The following PHACTR2 variants were observed in gnomAD, a reference collection of about 807,000 sequenced individuals.
PHACTR2 encodes the protein chromosome 6 open reading frame 56.
In PHACTR2, 30 loss-of-function variants were observed where a neutral mutation model predicts 76.0. That is an observed-to-expected ratio of 0.39 (90% CI 0.30 to 0.54). The LOEUF is 0.54. PHACTR2 is among the 20% of genes least tolerant of loss of function. The probability of loss-of-function intolerance (pLI) is 0.61; values close to 1 mark genes in which losing one functional copy is unlikely to be tolerated. For missense variants in PHACTR2, 696 were observed against 781.1 expected (o/e 0.89, Z 1.30); for synonymous variants, 292 against 292.5 (o/e 1.00, Z 0.02).
At chr6:143,551,006 C>T (rs907069720) in intron 1 of PHACTR2, among the ~76,000 whole-genome samples, 1 of 151,958 alleles carries the variant, frequency 6.6e-6, no homozygotes, top group Admixed American at 6.6e-5. Context: ...CACTGCACTC[C>T]AGCCTGGGTG....
At chr6:143,686,082 A>G (rs926476651) in intron 1 of PHACTR2, among the ~76,000 whole-genome samples, 1 of 151,838 alleles carries the variant, frequency 6.6e-6, no homozygotes, top group East Asian at 1.9e-4. Context: ...TAGTGAGCCA[A>G]GATTGCACCA....
rs999644056 is a variant in PHACTR2 at position 143,616,119 on chromosome 6, A to T, written c.13+7797A>T. Among the ~76,000 whole-genome samples, 11 of 152,196 alleles carry T rather than the reference A, an allele frequency of 7.2e-5. No homozygotes were observed. Among genetic ancestry groups the T allele is most frequent in the African/African-American group, 2.4e-4 (10 of 41,460 alleles). On this transcript the variant is annotated intron_variant, in intron 1 of 11. Coordinates refer to the PHACTR2 transcript ENST00000305766. The surrounding 1 kb of genome is among the most constrained non-coding windows in gnomAD (Gnocchi z 4.9). Reference sequence around the variant, plus strand: ...TATCTGCCTAATTGTTTTTATAGGTAGCTCTTTTATTATTTTTATAGATAA... The same window carrying T: ...TATCTGCCTAATTGTTTTTATAGGTTGCTCTTTTATTATTTTTATAGATAA...
rs1775563405 is a variant in PHACTR2, at chr6:143,580,784, A to G, written c.217+43577A>G. Among the ~76,000 whole-genome samples, 1 of 152,238 alleles carries G rather than the reference A, an allele frequency of 6.6e-6. No individual in the cohort carries two copies. The highest frequency in any genetic ancestry group is 2.4e-5 in the African/African-American group (1 of 41,464). Reference sequence around the variant, plus strand: ...GTGAAGATAAATGTCTCTGAAGACAAGAAGGTGAGATAATTAAGAGACTTA... The same window carrying G: ...GTGAAGATAAATGTCTCTGAAGACAGGAAGGTGAGATAATTAAGAGACTTA... On this transcript the variant is annotated intron_variant, in intron 1 of 11. Coordinates refer to the PHACTR2 transcript ENST00000367584. The surrounding 1 kb of genome is among the most constrained non-coding windows in gnomAD (Gnocchi z 4.2).
intron 11 of PHACTR2, among the ~76,000 whole-genome samples, chr6:143,798,379 A>G (rs1775874310): frequency 6.6e-6 from 1 of 152,168 alleles, no homozygotes; most frequent in Admixed American, 6.5e-5. Flanking sequence ...TCCTATTTGA[A>G]TACCTTTTAT....
In PHACTR2 at chr6:143,672,940, G is replaced by A. The variant is rs1220367749; in HGVS notation, c.14-39076G>A. ...GGGTTTCACCATGTTGGCCAGGCTG[G>A]TCTCAAGCTCCTGACCTCAGGTGAT... is the stretch of plus-strand genomic sequence containing the variant. On this transcript the variant is annotated intron_variant, in intron 1 of 11. Coordinates refer to the PHACTR2 transcript ENST00000305766. This position sits in a 1 kb window ranked among gnomAD's most constrained non-coding sequence, Gnocchi z 5.8. Among the ~76,000 whole-genome samples, 1 of 152,068 alleles carries A rather than the reference G, an allele frequency of 6.6e-6. No homozygotes were observed. Among genetic ancestry groups the A allele is most frequent in the African/African-American group, 2.4e-5 (1 of 41,400 alleles).
In PHACTR2 at chr6:143,571,685, T is replaced by C. The variant is rs1775448390; in HGVS notation, c.217+34478T>C. 6.6e-6 allele frequency among the ~76,000 whole-genome samples: 1 copy of C among 152,142 alleles called. No homozygotes were observed. Among genetic ancestry groups the C allele is most frequent in the Admixed American group, 6.5e-5 (1 of 15,280 alleles). On this transcript the variant is annotated intron_variant, in intron 1 of 11. Coordinates refer to the PHACTR2 transcript ENST00000367584. This position sits in a 1 kb window ranked among gnomAD's most constrained non-coding sequence, Gnocchi z 4.6. The stretch of plus-strand genomic sequence containing the variant: ...GTTGTACAATTGGCTATCGAGAGTT[T>C]GGTACAAGTTTACTCCTGTGTCCAT...
chr6:143,627,688 G>A lies in PHACTR2; in HGVS notation c.13+19366G>A, dbSNP rs895354040. ...ACGATCTCGGCTCACTGCAACCTCC[G>A]CCTCCCAGGTTCAAGCGATTCTCCT... On this transcript the variant is annotated intron_variant, in intron 1 of 11. Transcript: ENST00000305766. This position sits in a 1 kb window ranked among gnomAD's most constrained non-coding sequence, Gnocchi z 4.3. Among the ~76,000 whole-genome samples the A allele has an allele frequency of 1.1e-4, 17 of 149,560 alleles. No individual in the cohort carries two copies. Among genetic ancestry groups the A allele is most frequent in the East Asian group, 2.0e-4 (1 of 5,094 alleles).
At chr6:143,628,943 A>G (rs1245845660) in intron 1 of PHACTR2, among the ~76,000 whole-genome samples, 33 of 40,454 alleles carry the variant, frequency 8.2e-4, no homozygotes, top group Non-Finnish European at 1.4e-3. Flanking sequence ...ATATATATAT[A>G]TATATATATA....
rs1268470499 is a variant in PHACTR2, at chr6:143,537,955, C to CA, written c.217+754dup. Among the ~76,000 whole-genome samples, 1 of 152,188 alleles carries CA rather than the reference C, an allele frequency of 6.6e-6. No homozygotes were observed. The highest frequency in any genetic ancestry group is 2.4e-5 in the African/African-American group (1 of 41,446). Reference sequence around the variant, plus strand: ...GGAAACTTCGTCCCTACTAAAAATACAAAAAATTAGCCGCCGAGGCGGCGC... The same window carrying CA: ...GGAAACTTCGTCCCTACTAAAAATACAAAAAAATTAGCCGCCGAGGCGGCGC... On this transcript the variant is annotated intron_variant, in intron 1 of 11. Transcript: ENST00000367584. This position sits in a 1 kb window ranked among gnomAD's most constrained non-coding sequence, Gnocchi z 4.4.
In PHACTR2 at chr6:143,621,782, G is replaced by C. The variant is rs1487007103; in HGVS notation, c.13+13460G>C. Reference sequence around the variant, plus strand: ...CATAGATTCATTTTGCACCTACGTGGACTTTAAATCTTTGCGAACAGTAGC... The same window carrying C: ...CATAGATTCATTTTGCACCTACGTGCACTTTAAATCTTTGCGAACAGTAGC... On this transcript the variant is annotated intron_variant, in intron 1 of 11. Transcript: ENST00000305766. This position sits in a 1 kb window ranked among gnomAD's most constrained non-coding sequence, Gnocchi z 4.1. Among the ~76,000 whole-genome samples the C allele has an allele frequency of 6.6e-6, 1 of 152,140 alleles. No individual in the cohort carries two copies. The highest frequency in any genetic ancestry group is 1.5e-5 in the Non-Finnish European group (1 of 68,024).
At position 143,777,275 on chromosome 6, in the gene PHACTR2, C is replaced by T; in HGVS notation, c.1590-53C>T. 2 of 910,142 alleles carry T rather than the reference C, an allele frequency of 2.2e-6. No homozygotes were observed. The highest frequency in any genetic ancestry group is 2.4e-5 in the East Asian group (1 of 40,868). The allele number at this position is 910,142 out of a possible 1,614,324, so 56.4% of individuals were successfully genotyped here. A position where few individuals can be genotyped will look rare whatever the true frequency, so the allele number is the denominator to read the frequency against. ...AGCTTTGTTGTTTTATTCTGAGTCT[C>T]CTACTAGGGTACCTTGTTTTTAACC... On this transcript the variant is annotated intron_variant, in intron 8 of 12. Transcript: ENST00000440869. The surrounding 1 kb of genome is among the most constrained non-coding windows in gnomAD (Gnocchi z 4.6).
rs980705667 is a variant in PHACTR2, at chr6:143,631,633, T to A, written c.13+23311T>A. 3.9e-5 allele frequency among the ~76,000 whole-genome samples: 6 copies of A among 152,256 alleles called. No individual in the cohort carries two copies. In the East Asian group the frequency reaches 1.2e-3, roughly 29 times the overall value. On this transcript the variant is annotated intron_variant, in intron 1 of 11. Transcript: ENST00000305766. The stretch of plus-strand genomic sequence containing the variant: ...AATAGGGAAAAGACAAGGCCATAAA[T>A]TCAGCTGAATTCTTAACCGATAATG...
chr6:143,737,336 G>C (rs1450028823), intron 2 of PHACTR2, among the ~76,000 whole-genome samples: 2 of 151,474 alleles, frequency 1.3e-5, no homozygotes, highest in Non-Finnish European at 2.9e-5. Flanking sequence ...GTGTCTCACT[G>C]TATTGCCCAG....
At chr6:143,577,757 A>G (rs12199775) in intron 1 of PHACTR2, among the ~76,000 whole-genome samples, 7,105 of 145,372 alleles carry the variant, frequency 0.049, 244 homozygotes, top group South Asian at 0.076. Context: ...TAACCTGGTA[A>G]CCATATCGTC....
At chr6:143,792,029 G>C (rs888925252) in intron 11 of PHACTR2, among the ~76,000 whole-genome samples, 15 of 152,094 alleles carry the variant, frequency 9.9e-5, no homozygotes, top group African/African-American at 3.6e-4. Context: ...CCCTTACACT[G>C]AGGGTATGCC....
intron 1 of PHACTR2, among the ~76,000 whole-genome samples, chr6:143,613,853 A>T (rs887375390): frequency 1.3e-5 from 2 of 152,196 alleles, no homozygotes; most frequent in African/African-American, 4.8e-5. Flanking sequence ...ACCTCCACAC[A>T]CAAAGAATTT....
chr6:143,606,791 T>G (rs556624324), upstream of PHACTR2, among the ~76,000 whole-genome samples: 1 of 152,260 alleles, frequency 6.6e-6, no homozygotes, highest in Non-Finnish European at 1.5e-5. Flanking sequence ...TTTTTAAAAA[T>G]ATATAAAGAT....
In PHACTR2 at chr6:143,746,375, T is replaced by G. The variant is rs141968929; in HGVS notation, c.215-2610T>G. Among the ~76,000 whole-genome samples the G allele has an allele frequency of 5.2e-3, 794 of 152,302 alleles. 6 individuals are homozygous for G. The highest frequency in any genetic ancestry group is 0.018 in the African/African-American group (757 of 41,554). On this transcript the variant is annotated intron_variant, in intron 2 of 12. Transcript: ENST00000440869. Reference sequence around the variant, plus strand: ...AGCAGCAAACCAGTAAAAGTTTTGTTTCTTATGAGCAAAGGGCCGGTTAGG... The same window carrying G: ...AGCAGCAAACCAGTAAAAGTTTTGTGTCTTATGAGCAAAGGGCCGGTTAGG...
Position 143,581,972 on chromosome 6 carries a change from A to G in PHACTR2, c.217+44765A>G, listed in dbSNP as rs541033871. On this transcript the variant is annotated intron_variant, in intron 1 of 11. Coordinates refer to the PHACTR2 transcript ENST00000367584. The surrounding 1 kb of genome is among the most constrained non-coding windows in gnomAD (Gnocchi z 4.5). The stretch of plus-strand genomic sequence containing the variant: ...ATTGGCATGAAGGCCTTGGGTCTTA[A>G]TGCCTAAGTGAGTCACATAAACCCT... Among the ~76,000 whole-genome samples the G allele has an allele frequency of 6.6e-6, 1 of 152,222 alleles. No individual in the cohort carries two copies. Among genetic ancestry groups the G allele is most frequent in the South Asian group, 2.1e-4 (1 of 4,836 alleles).
Sources: gnomAD v4.1 joint callset for allele counts (sites outside exome capture counted in the v4.1 genomes callset) on GRCh38, gnomAD v4.1.1 for gene constraint, Gnocchi (gnomAD v3.1) non-coding constraint, MANE v1.5 for transcripts, NCBI Gene and HGNC (gene_info 2026-07-23, HGNC 2026-07-21) for gene names.